BEND7: variants seen among roughly 807,000 people sequenced by gnomAD.
The protein encoded by BEND7 is BEN domain-containing protein 7.
A neutral mutation model predicts 50.9 loss-of-function variants in BEND7; 28 were observed. The observed-to-expected ratio is 0.55, with a 90% CI of 0.41 to 0.75. BEND7 has a LOEUF of 0.75. BEND7 is among the 30% of genes least tolerant of loss of function. The pLI is 0.00. For missense variants in BEND7, 477 were observed against 491.3 expected (o/e 0.97, Z 0.28); for synonymous variants, 170 against 183.9 (o/e 0.92, Z 0.61).
intron 2 of BEND7, among the ~76,000 whole-genome samples, chr10:13,503,383 G>A (rs372419935): frequency 6.6e-6 from 1 of 152,186 alleles, no homozygotes; most frequent in East Asian, 1.9e-4. Context: ...GTAAGCTCAC[G>A]GCCTAGCTCA....
chr10:13,490,246 T>C (rs2076554059), intron 5 of BEND7, among the ~76,000 whole-genome samples: 1 of 152,240 alleles, frequency 6.6e-6, no homozygotes, highest in Admixed American at 6.5e-5. Context: ...CGATAAAGCA[T>C]GGGTTTCCAG....
chr10:13,481,015 A>G lies in BEND7; in HGVS notation c.947T>C (p.Val316Ala). The G allele has an allele frequency of 6.2e-7, 1 of 1,614,112 alleles. No homozygotes were observed. The highest frequency in any genetic ancestry group is 8.5e-7 in the Non-Finnish European group (1 of 1,180,016). Residue 316 changes from valine to alanine, a missense_variant, in exon 6 of 9, where the codon GTG (valine) becomes GCG (alanine). Around this residue, in one of 3 missense-constraint regions of BEND7, gnomAD observed 396 missense variants for 384.2 expected, o/e 1.03. Transcript: ENST00000466271. ...AGTCTTGTCATCAAAAAACGCACAC[A>G]CCAGTTTTCTAAACAGAAGGCTTCC... ...RSGSLLFRKL[V>A]CAFFDDKTLA...
intron 6 of BEND7, among the ~76,000 whole-genome samples, chr10:13,478,542 C>G (rs10752306): frequency 1 from 151,947 of 152,332 alleles, 75,786 homozygotes; most frequent in Middle Eastern, 1. Context: ...TCTTATAAAA[C>G]AGTCAAATCT....
chr10:13,513,144 A>G (rs1018775878), intron 2 of BEND7, among the ~76,000 whole-genome samples: 1 of 152,156 alleles, frequency 6.6e-6, no homozygotes, highest in Non-Finnish European at 1.5e-5. Flanking sequence ...TCTTATTGCT[A>G]TTGTTACTGT....
intron 5 of BEND7, among the ~76,000 whole-genome samples, chr10:13,491,240 G>C (rs1310501663): frequency 6.7e-6 from 1 of 150,308 alleles, no homozygotes; most frequent in African/African-American, 2.5e-5. Context: ...TTGAACCCAA[G>C]AGGCGGAGGT....
chr10:13,470,803 T>C (rs759910046), intron 6 of BEND7, among the ~76,000 whole-genome samples: 6 of 152,158 alleles, frequency 3.9e-5, no homozygotes, highest in East Asian at 3.8e-4. Flanking sequence ...CTGAAAACGT[T>C]TGGAGGTAAA....
intron 5 of BEND7, among the ~76,000 whole-genome samples, chr10:13,488,397 A>C (rs190872231): frequency 1.1e-4 from 16 of 152,350 alleles, no homozygotes; most frequent in Admixed American, 1.0e-3. Context: ...CTTGAAAAAC[A>C]GCGACCATAA....
intron 6 of BEND7, among the ~76,000 whole-genome samples, chr10:13,475,288 T>C (rs1451615866): frequency 6.6e-6 from 1 of 152,250 alleles, no homozygotes; most frequent in Non-Finnish European, 1.5e-5. Context: ...AGATCTGATA[T>C]GTAAAAATAT....
chr10:13,442,650 C>A (rs1439739783), intron 8 of BEND7: 1 of 152,198 alleles, frequency 6.6e-6, no homozygotes, highest in East Asian at 1.9e-4. Flanking sequence ...CCCTGTAGCA[C>A]TCCGTTAAGA....
downstream of BEND7, chr10:13,439,224 G>A (rs144546578): frequency 3.1e-6 from 5 of 1,614,076 alleles, no homozygotes; most frequent in African/African-American, 4.0e-5. Context: ...TGAGCCTGGC[G>A]TGGGAAAGTT....
At chr10:13,452,223 T>G (rs946991450) in intron 7 of BEND7, among the ~76,000 whole-genome samples, 2 of 152,162 alleles carry the variant, frequency 1.3e-5, no homozygotes, top group Non-Finnish European at 1.5e-5. Context: ...TAAAAATCAA[T>G]AGGCAGACAG....
chr10:13,467,723 G>C (rs778550551), intron 6 of BEND7, among the ~76,000 whole-genome samples: 3 of 152,152 alleles, frequency 2.0e-5, no homozygotes, highest in African/African-American at 4.8e-5. Context: ...AAGTTGTGTA[G>C]TTATCTTGTT....
chr10:13,501,034 G>T (rs2077407747), intron 2 of BEND7, among the ~76,000 whole-genome samples: 1 of 152,192 alleles, frequency 6.6e-6, no homozygotes, highest in Non-Finnish European at 1.5e-5. Context: ...ATACTGCACT[G>T]GGAGTACTTA....
chr10:13,500,586 G>A (rs1240305780), intron 2 of BEND7: 2 of 987,814 alleles, frequency 2.0e-6, no homozygotes, highest in African/African-American at 3.5e-5. Flanking sequence ...CTTCACTACT[G>A]ACACAATGTC....
chr10:13,445,009 G>A (rs1004344302), intron 8 of BEND7: 5 of 135,960 alleles, frequency 3.7e-5, no homozygotes, highest in African/African-American at 1.2e-4. Flanking sequence ...AGTAGAGACG[G>A]GGGTTTCACC....
At chr10:13,453,146 C>T (rs1838156540) in intron 6 of BEND7, among the ~76,000 whole-genome samples, 1 of 152,160 alleles carries the variant, frequency 6.6e-6, no homozygotes, top group African/African-American at 2.4e-5. Flanking sequence ...ATGAAAGTTC[C>T]AATTCTACTT....
At chr10:13,448,973 A>AG (rs1837079646) in intron 7 of BEND7, among the ~76,000 whole-genome samples, 1 of 112,526 alleles carries the variant, frequency 8.9e-6, no homozygotes, top group Admixed American at 9.4e-5. Flanking sequence ...ACTCCATCTC[A>AG]AAAAAAAAAA....
intron 2 of BEND7, chr10:13,500,863 C>T (rs780165302): frequency 3.3e-4 from 327 of 984,984 alleles, no homozygotes; most frequent in Non-Finnish European, 3.9e-4. Flanking sequence ...ACCTCCCCAC[C>T]GTGCCCTCCT....
At chr10:13,521,720 T>C (rs1436098324) in intron 2 of BEND7, among the ~76,000 whole-genome samples, 1 of 152,180 alleles carries the variant, frequency 6.6e-6, no homozygotes, top group Non-Finnish European at 1.5e-5. Flanking sequence ...CTTCTTCCTC[T>C]TGGAAGTGGG....
Sources: allele counts gnomAD v4.1 joint callset (sites outside exome capture counted in the v4.1 genomes callset), GRCh38; gene constraint gnomAD v4.1.1; regional missense constraint gnomAD v4.1.1; transcripts MANE v1.5; gene names NCBI Gene and HGNC (gene_info 2026-07-23, HGNC 2026-07-21).